SI: variants seen among roughly 807,000 people sequenced by gnomAD.
SI encodes sucrase-isomaltase, intestinal.
SI carries 235 observed loss-of-function variants against 253.3 expected under a neutral mutation model. That is an observed-to-expected ratio of 0.93 (90% CI 0.83 to 1.03). SI has a LOEUF of 1.03. SI is among the 50% of genes least tolerant of loss of function. SI has a pLI of 0.00. For missense variants in SI, 2,442 were observed against 2,211.1 expected (o/e 1.10, Z -2.09); for synonymous variants, 819 against 712.0 (o/e 1.15, Z -2.39).
At chr3:165,036,658 A>G (rs968441117) in intron 21 of SI, among the ~76,000 whole-genome samples, 181 bp from the exon 22 acceptor site, 1 of 151,882 alleles carries the variant, frequency 6.6e-6, no homozygotes, top group Non-Finnish European at 1.5e-5. Flanking sequence ...TTCTTATGTG[A>G]ATACCGAAAT....
chr3:164,979,484 T>C, intron 47 of SI, 54 bp from the exon 48 acceptor site: 1 of 991,864 alleles, frequency 1.0e-6, no homozygotes, highest in African/African-American at 1.6e-5. Flanking sequence ...TTTTTCTTAT[T>C]TTCATGAATG....
intron 2 of SI, among the ~76,000 whole-genome samples, chr3:165,075,300 G>T (rs1362290551): frequency 2.6e-5 from 4 of 151,978 alleles, no homozygotes; most frequent in Non-Finnish European, 5.9e-5. Flanking sequence ...AGAAGATAAT[G>T]TGTAACATCC....
At chr3:165,023,873 T>A (rs1711762213) in intron 25 of SI, 97 bp from the exon 26 acceptor site, 1 of 849,598 alleles carries the variant, frequency 1.2e-6, no homozygotes, top group Non-Finnish European at 2.0e-6. Flanking sequence ...ATTGTATGAT[T>A]TACAAGTTTC....
intron 28 of SI, 30 bp downstream of exon 28, chr3:165,019,572 C>T (rs1166465864): frequency 6.2e-7 from 1 of 1,605,572 alleles, no homozygotes; most frequent in Non-Finnish European, 8.5e-7. Context: ...TCTTAGTTGC[C>T]TCGTGGAGTG....
chr3:165,026,631 C>G (rs1021054706), intron 25 of SI, among the ~76,000 whole-genome samples: 1 of 151,236 alleles, frequency 6.6e-6, no homozygotes, highest in Admixed American at 6.6e-5. Context: ...TCTCTGAGAC[C>G]ACAGTAAAAT....
intron 13 of SI, among the ~76,000 whole-genome samples, chr3:165,051,537 TA>T (rs1375968431): frequency 6.6e-6 from 1 of 152,062 alleles, no homozygotes; most frequent in Non-Finnish European, 1.5e-5. Flanking sequence ...TAAGTGTAGG[TA>T]AACTACATTT....
chr3:165,003,340 G>T (rs1718344412), intron 37 of SI, among the ~76,000 whole-genome samples: 1 of 151,584 alleles, frequency 6.6e-6, no homozygotes, highest in South Asian at 2.1e-4. Flanking sequence ...TCTTTTTAAT[G>T]TCTACAGTTT....
chr3:165,024,726 A>G (rs1289290003), intron 25 of SI, among the ~76,000 whole-genome samples: 3 of 151,032 alleles, frequency 2.0e-5, no homozygotes, highest in African/African-American at 7.3e-5. Flanking sequence ...AACTGATTTT[A>G]TTTTTCTCAT....
intron 28 of SI, among the ~76,000 whole-genome samples, chr3:165,018,699 T>TTACTAAAATATTAAATACTTA: frequency 6.6e-6 from 1 of 151,420 alleles, no homozygotes; most frequent in Non-Finnish European, 1.5e-5. Context: ...TTTAGTAATA[T>TTACTAAAATATTAAATACTTA]GCAAAATTAC....
chr3:165,072,998 TA>T (rs1468147500), intron 3 of SI, among the ~76,000 whole-genome samples: 1 of 152,124 alleles, frequency 6.6e-6, no homozygotes, highest in Non-Finnish European at 1.5e-5. Context: ...TTCACAAATA[TA>T]GTTTATTTCA....
chr3:164,997,616 T>G (rs1718069675), intron 38 of SI, among the ~76,000 whole-genome samples: 1 of 151,686 alleles, frequency 6.6e-6, no homozygotes, highest in South Asian at 2.1e-4. Context: ...CTTGACAGGC[T>G]GTTACTCAAT....
chr3:165,009,903 A>T (rs1718695570), intron 34 of SI, among the ~76,000 whole-genome samples: 1 of 152,138 alleles, frequency 6.6e-6, no homozygotes, highest in African/African-American at 2.4e-5. Context: ...AATCTCTACT[A>T]AGAATATTCC....
Position 165,030,786 on chromosome 3 carries a change from T to C in SI, c.2818A>G (p.Arg940Gly). 1 of 1,608,400 alleles carries C rather than the reference T, an allele frequency of 6.2e-7. No homozygotes were observed. Among genetic ancestry groups the C allele is most frequent in the Non-Finnish European group, 8.5e-7 (1 of 1,176,738 alleles). Residue 940 changes from arginine (R) to glycine (G), a missense_variant, in exon 25 of 48, where the codon AGA (arginine) becomes GGA (glycine). Transcript: ENST00000264382. ...QWNQIFSENE[R>G]FNCYPDADLA... is the part of the protein sequence containing the mutation. Reference sequence around the variant, plus strand: ...TCTGCATCTGGATAACAATTAAATCTTTCATTTTCTGAGAAAATTTGATTC... The same window carrying C: ...TCTGCATCTGGATAACAATTAAATCCTTCATTTTCTGAGAAAATTTGATTC...
chr3:164,979,191 C>G lies in SI; in HGVS notation c.*171G>C. 6.7e-6 allele frequency: 4 copies of G among 600,676 alleles called. No homozygotes were observed. Among genetic ancestry groups the G allele is most frequent in the Non-Finnish European group, 1.2e-5 (4 of 333,070 alleles). 37.2% of individuals were successfully genotyped at this position (600,676 alleles called of 1,614,324 possible). A position where few individuals can be genotyped will look rare whatever the true frequency, so the allele number is the denominator to read the frequency against. On this transcript the variant is annotated 3_prime_UTR_variant, in exon 48 of 48. Transcript: ENST00000264382. ...TTAAAATTGAATCCAAGTCACATTACTATAATAAAATTAGCATTATCATTG... is the reference window on the plus strand; with the variant it reads ...TTAAAATTGAATCCAAGTCACATTAGTATAATAAAATTAGCATTATCATTG...
At chr3:165,041,303 G>T (rs2108219552) in intron 17 of SI, among the ~76,000 whole-genome samples, 1 of 152,026 alleles carries the variant, frequency 6.6e-6, no homozygotes, top group Non-Finnish European at 1.5e-5. Flanking sequence ...TTTTGAAGTG[G>T]ACATTTCAAC....
intron 37 of SI, among the ~76,000 whole-genome samples, chr3:165,005,589 A>G (rs1202505576): frequency 6.6e-5 from 10 of 152,208 alleles, no homozygotes; most frequent in Admixed American, 6.5e-4. Flanking sequence ...TATGGTAGCC[A>G]CTAATTATCT....
At chr3:164,998,744 A>G in intron 37 of SI, 71 bp from the exon 38 acceptor site, 8 of 1,279,786 alleles carry the variant, frequency 6.3e-6, no homozygotes, top group Non-Finnish European at 9.1e-6. Context: ...ACTTACGACT[A>G]CTTTGTAAAA....
chr3:165,015,437 C>T (rs1214128390), intron 32 of SI, among the ~76,000 whole-genome samples: 1 of 152,096 alleles, frequency 6.6e-6, no homozygotes, highest in East Asian at 1.9e-4. Flanking sequence ...CTTGGAAATG[C>T]ATCAGCTATC....
At chr3:164,994,921 C>T (rs1441557783) in intron 40 of SI, among the ~76,000 whole-genome samples, 1 of 151,488 alleles carries the variant, frequency 6.6e-6, no homozygotes, top group African/African-American at 2.4e-5. Context: ...AAATAATGTG[C>T]CTGAGTATGC....
Sources: allele counts gnomAD v4.1 joint callset (sites outside exome capture counted in the v4.1 genomes callset), GRCh38; gene constraint gnomAD v4.1.1; transcripts MANE v1.5; gene names NCBI Gene and HGNC (gene_info 2026-07-23, HGNC 2026-07-21).